CNTLN: variants seen among roughly 807,000 people sequenced by gnomAD.
The protein encoded by CNTLN is centlein, centrosomal protein.
A neutral mutation model predicts 180.0 loss-of-function variants in CNTLN; 212 were observed. The observed-to-expected ratio is 1.18, with a 90% confidence interval of 1.05 to 1.32. The LOEUF is 1.32. Among genes scored for constraint, CNTLN ranks in the 40% most tolerant of loss-of-function variants. The pLI is 0.00. For missense variants in CNTLN, 2,095 were observed against 1,610.9 expected, an observed-to-expected ratio of 1.30 and a Z score of -5.14; for synonymous variants, 722 against 563.1, an observed-to-expected ratio of 1.28 and a Z score of -3.99.
At chr9:17,445,077 A>G (rs907162478) in intron 18 of CNTLN, among the ~76,000 whole-genome samples, 13 of 152,158 alleles carry the variant, frequency 8.5e-5, no homozygotes, top group Non-Finnish European at 1.9e-4. Flanking sequence ...TATCAAATCC[A>G]AAGATTTTTA....
At chr9:17,172,668 G>A (rs1820490693) in intron 2 of CNTLN, among the ~76,000 whole-genome samples, 1 of 151,628 alleles carries the variant, frequency 6.6e-6, no homozygotes, top group Admixed American at 6.6e-5. Flanking sequence ...TTATTTCCTG[G>A]ATATTATTCT....
chr9:17,285,455 C>T (rs529790277), intron 6 of CNTLN, among the ~76,000 whole-genome samples: 3 of 147,858 alleles, frequency 2.0e-5, no homozygotes, highest in Non-Finnish European at 3.0e-5. Flanking sequence ...AATAATGCCA[C>T]AATAAACATA....
chr9:17,401,797 C>T (rs1164727142), intron 15 of CNTLN, among the ~76,000 whole-genome samples: 3 of 134,770 alleles, frequency 2.2e-5, no homozygotes, highest in African/African-American at 7.5e-5. Flanking sequence ...AAATACAGAG[C>T]CAGATATGAA....
At chr9:17,285,149 C>A (rs796977658) in intron 6 of CNTLN, among the ~76,000 whole-genome samples, 1,857 of 105,246 alleles carry the variant, frequency 0.018, 51 homozygotes, top group African/African-American at 0.064. Context: ...TGCTATCCCT[C>A]CCCCCTCCCC....
intron 19 of CNTLN, 75 bp downstream of exon 19, chr9:17,457,790 AATTT>A (rs1277031049): frequency 4.5e-6 from 4 of 879,954 alleles, no homozygotes; most frequent in African/African-American, 3.5e-5. Flanking sequence ...TATGAACACT[AATTT>A]ATTCTAATAA....
chr9:17,514,589 A>T, the CNTLN span, among the ~76,000 whole-genome samples: 1 of 152,236 alleles, frequency 6.6e-6, no homozygotes, highest in Non-Finnish European at 1.5e-5. Context: ...ATTTACTAAT[A>T]AAAACATAAG....
At chr9:17,140,163 A>G (rs1400100800) in intron 1 of CNTLN, among the ~76,000 whole-genome samples, 1 of 152,142 alleles carries the variant, frequency 6.6e-6, no homozygotes, top group Non-Finnish European at 1.5e-5. Flanking sequence ...TTTGTATATG[A>G]AAGTTTTTTT....
chr9:17,290,013 A>G (rs1489755102), intron 6 of CNTLN, among the ~76,000 whole-genome samples: 6 of 152,178 alleles, frequency 3.9e-5, no homozygotes, highest in Non-Finnish European at 1.5e-5. Flanking sequence ...TCAGCTCGTC[A>G]GAATCATTCT....
intron 18 of CNTLN, among the ~76,000 whole-genome samples, chr9:17,437,429 GC>G (rs1352850660): frequency 6.6e-6 from 1 of 152,120 alleles, no homozygotes; most frequent in Non-Finnish European, 1.5e-5. Flanking sequence ...TTAAAATAAA[GC>G]AGTGTTATAA....
intron 6 of CNTLN, among the ~76,000 whole-genome samples, chr9:17,295,130 G>T (rs1369602716): frequency 1.3e-5 from 2 of 151,400 alleles, no homozygotes; most frequent in Non-Finnish European, 1.5e-5. Flanking sequence ...TCTGAGTGCG[G>T]GCCGCCAAGC....
chr9:17,445,360 C>T (rs181853513), intron 18 of CNTLN, among the ~76,000 whole-genome samples: 114 of 151,974 alleles, frequency 7.5e-4, no homozygotes, highest in African/African-American at 2.6e-3. Context: ...ACTATTGACC[C>T]TGTGGGGAAA....
intron 18 of CNTLN, among the ~76,000 whole-genome samples, chr9:17,433,444 C>T (rs1461850774): frequency 6.6e-6 from 1 of 151,908 alleles, no homozygotes; most frequent in Non-Finnish European, 1.5e-5. Flanking sequence ...GCCACCATGC[C>T]TGGCTAATTT....
At chr9:17,362,095 A>G (rs957068699) in intron 12 of CNTLN, among the ~76,000 whole-genome samples, 1 of 152,150 alleles carries the variant, frequency 6.6e-6, no homozygotes, top group Non-Finnish European at 1.5e-5. Flanking sequence ...AAAAGTAGGG[A>G]CTGTGTGTGT....
rs555350367 is a variant in CNTLN at position 17,136,236 on chromosome 9, C to G, written c.360+811C>G. On this transcript the variant is annotated intron_variant, in intron 1 of 25. Transcript: ENST00000380647. The stretch of plus-strand genomic sequence containing the variant: ...GGGTTGGGAGATTGGATGTGGGAAA[C>G]TCACTGAACAGTAGATCTTTAAGTC... Among the ~76,000 whole-genome samples, 8 of 152,292 alleles carry G rather than the reference C, an allele frequency of 5.3e-5. No homozygotes were observed. The South Asian group carries it at 1.7e-3, about 32-fold the overall frequency.
chr9:17,241,626 T>A (rs1191432885), intron 5 of CNTLN, among the ~76,000 whole-genome samples: 1 of 142,644 alleles, frequency 7.0e-6, no homozygotes, highest in Non-Finnish European at 1.5e-5. Context: ...GCATAGAATC[T>A]GTAATGGCTT....
intron 13 of CNTLN, among the ~76,000 whole-genome samples, chr9:17,369,588 GAATC>G (rs1824133130): frequency 2.0e-5 from 3 of 151,420 alleles, no homozygotes; most frequent in Non-Finnish European, 4.4e-5. Context: ...AAATAAAAAA[GAATC>G]AAGCAGAAAT....
chr9:17,470,991 G>T (rs1043897704), intron 23 of CNTLN, among the ~76,000 whole-genome samples: 1 of 151,854 alleles, frequency 6.6e-6, no homozygotes, highest in African/African-American at 2.4e-5. Flanking sequence ...TTATAAACAG[G>T]TCTATGATAC....
intron 5 of CNTLN, among the ~76,000 whole-genome samples, chr9:17,256,974 C>A (rs553705311): frequency 6.6e-6 from 1 of 151,526 alleles, no homozygotes; most frequent in East Asian, 1.9e-4. Context: ...TTTTGTTTAA[C>A]ATTTTTTTTT....
At chr9:17,248,855 A>T (rs1290200601) in intron 5 of CNTLN, among the ~76,000 whole-genome samples, 1 of 151,820 alleles carries the variant, frequency 6.6e-6, no homozygotes, top group Non-Finnish European at 1.5e-5. Flanking sequence ...TCATTGTAAT[A>T]TATCTAATAA....
Sources: gnomAD v4.1 joint callset for allele counts (sites outside exome capture counted in the v4.1 genomes callset) on GRCh38, gnomAD v4.1.1 for gene constraint, MANE v1.5 for transcripts, NCBI Gene and HGNC (gene_info 2026-07-23, HGNC 2026-07-21) for gene names.